The following CCSER1 variants were observed in gnomAD, a reference collection of about 807,000 sequenced individuals.
CCSER1 encodes coiled-coil serine rich protein 1, also known as serine-rich coiled-coil domain-containing protein 1.
Under a neutral mutation model 82.0 loss-of-function variants are expected in CCSER1, and 41 were observed. That is an observed-to-expected ratio of 0.50 (90% confidence interval 0.39 to 0.65). CCSER1 has a LOEUF of 0.65. Ranked by LOEUF, CCSER1 falls within the 30% of genes least tolerant of loss-of-function variation. CCSER1 has a pLI of 0.00. For missense variants in CCSER1, 1,119 were observed against 1,064.2 expected, an observed-to-expected ratio of 1.05 and a Z score of -0.72; for synonymous variants, 414 against 383.9, an observed-to-expected ratio of 1.08 and a Z score of -0.92.
chr4:90,580,929 G>T (rs1269326645), intron 5 of CCSER1, among the ~76,000 whole-genome samples: 11 of 152,138 alleles, frequency 7.2e-5, no homozygotes, highest in African/African-American at 2.7e-4. Flanking sequence ...ATTGAGTTTT[G>T]ATTAATTGTG....
At chr4:90,385,983 A>C (rs1749980606) in intron 3 of CCSER1, among the ~76,000 whole-genome samples, 1 of 152,182 alleles carries the variant, frequency 6.6e-6, no homozygotes, top group Non-Finnish European at 1.5e-5. Flanking sequence ...AAGAACTCCA[A>C]AACACTGATG....
chr4:91,130,784 A>T (rs1485933189), intron 10 of CCSER1, among the ~76,000 whole-genome samples: 1 of 151,882 alleles, frequency 6.6e-6, no homozygotes, highest in African/African-American at 2.4e-5. Context: ...ATAACCAATT[A>T]TCTTACATAA....
intron 10 of CCSER1, among the ~76,000 whole-genome samples, chr4:91,184,911 A>G (rs895597952): frequency 2.0e-5 from 3 of 152,214 alleles, no homozygotes; most frequent in African/African-American, 7.2e-5. Context: ...CCATAAATTT[A>G]TAGGTACAGA....
chr4:90,477,014 A>G (rs757807496), intron 5 of CCSER1, among the ~76,000 whole-genome samples: 1 of 152,200 alleles, frequency 6.6e-6, no homozygotes. Context: ...TTGCAGGTGC[A>G]TCACCATTGT....
intron 5 of CCSER1, among the ~76,000 whole-genome samples, chr4:90,610,981 A>T (rs532969279): frequency 9.2e-4 from 140 of 151,550 alleles, no homozygotes; most frequent in African/African-American, 3.3e-3. Context: ...AGGTTCAAGC[A>T]ATTCTCCTGC....
chr4:91,152,187 G>A (rs1057128978), intron 10 of CCSER1, among the ~76,000 whole-genome samples: 2 of 152,154 alleles, frequency 1.3e-5, no homozygotes, highest in Non-Finnish European at 2.9e-5. Flanking sequence ...ATTTAGGATA[G>A]TTAGCTCTTC....
At chr4:91,404,330 G>A (rs1170104776) in intron 10 of CCSER1, among the ~76,000 whole-genome samples, 1 of 151,644 alleles carries the variant, frequency 6.6e-6, no homozygotes, top group Admixed American at 6.6e-5. Flanking sequence ...TTTTGTTGAT[G>A]TTTTCAAAAA....
At chr4:90,330,906 C>T (rs1739164222) in intron 3 of CCSER1, among the ~76,000 whole-genome samples, 1 of 152,066 alleles carries the variant, frequency 6.6e-6, no homozygotes, top group Admixed American at 6.6e-5. Context: ...CTTGAATCTT[C>T]AGCTTTTCAT....
intron 10 of CCSER1, among the ~76,000 whole-genome samples, chr4:91,272,064 T>C (rs535015814): frequency 1.3e-5 from 2 of 152,366 alleles, no homozygotes; most frequent in East Asian, 3.9e-4. Flanking sequence ...ATTGTGCTGC[T>C]ATAAACGTGT....
At chr4:90,414,566 A>G (rs1465936354) in intron 4 of CCSER1, among the ~76,000 whole-genome samples, 5 of 152,166 alleles carry the variant, frequency 3.3e-5, no homozygotes, top group Admixed American at 6.5e-5. Flanking sequence ...TAAAAAGTAT[A>G]TTAGTGACCC....
At chr4:91,475,865 G>C (rs1160172786) in intron 10 of CCSER1, among the ~76,000 whole-genome samples, 2 of 151,602 alleles carry the variant, frequency 1.3e-5, no homozygotes, top group Non-Finnish European at 3.0e-5. Context: ...AATTTTTTTA[G>C]CTCCCACATA....
At chr4:90,480,729 T>G (rs963830714) in intron 5 of CCSER1, among the ~76,000 whole-genome samples, 8 of 152,296 alleles carry the variant, frequency 5.3e-5, no homozygotes, top group African/African-American at 1.9e-4. Flanking sequence ...TCTGTTCTAT[T>G]GGTCTATATC....
At chr4:91,048,271 C>T (rs1326956060) in intron 9 of CCSER1, among the ~76,000 whole-genome samples, 3 of 149,400 alleles carry the variant, frequency 2.0e-5, no homozygotes, top group Non-Finnish European at 4.4e-5. Flanking sequence ...GTTATATATA[C>T]ACACATATAT....
chr4:90,133,490 A>T (rs1262868289), intron 1 of CCSER1, among the ~76,000 whole-genome samples: 1 of 152,230 alleles, frequency 6.6e-6, no homozygotes, highest in Non-Finnish European at 1.5e-5. Context: ...TTTGGATAAG[A>T]TTATAGCTGT....
intron 1 of CCSER1, among the ~76,000 whole-genome samples, chr4:90,198,753 C>T (rs1337643705): frequency 6.6e-6 from 1 of 151,924 alleles, no homozygotes; most frequent in Non-Finnish European, 1.5e-5. Context: ...ACCCATCCGT[C>T]CAAAAAGAGC....
intron 5 of CCSER1, among the ~76,000 whole-genome samples, chr4:90,557,423 GT>G (rs937497498): frequency 2.6e-5 from 4 of 152,012 alleles, no homozygotes; most frequent in African/African-American, 9.7e-5. Flanking sequence ...TGTATTACTA[GT>G]AGAACAAATT....
intron 4 of CCSER1, among the ~76,000 whole-genome samples, chr4:90,427,520 G>A (rs182422530): frequency 6.6e-6 from 1 of 151,330 alleles, no homozygotes; most frequent in Non-Finnish European, 1.5e-5. Flanking sequence ...ATACTACAAG[G>A]CCCTTCTATG....
At chr4:90,791,327 C>T (rs985423239) in intron 7 of CCSER1, among the ~76,000 whole-genome samples, 1 of 152,094 alleles carries the variant, frequency 6.6e-6, no homozygotes, top group South Asian at 2.1e-4. Flanking sequence ...GCCATCAAAC[C>T]ACATTGCATG....
chr4:90,749,304 C>A (rs1339217055), intron 7 of CCSER1, among the ~76,000 whole-genome samples: 2 of 151,808 alleles, frequency 1.3e-5, no homozygotes, highest in African/African-American at 4.8e-5. Flanking sequence ...AATCCTTTCC[C>A]CATTGCTTGT....
Sources: gnomAD v4.1 joint callset for allele counts (sites outside exome capture counted in the v4.1 genomes callset) on GRCh38, gnomAD v4.1.1 for gene constraint, MANE v1.5 for transcripts, NCBI Gene and HGNC (gene_info 2026-07-23, HGNC 2026-07-21) for gene names.